Variants in NKAIN3 observed in about 807,000 individuals in gnomAD.
NKAIN3 encodes the protein sodium/potassium-transporting ATPase subunit beta-1-interacting protein 3.
NKAIN3 carries 25 observed loss-of-function variants against 30.2 expected under a neutral mutation model. That is an observed-to-expected ratio of 0.83 (90% CI 0.60 to 1.16). NKAIN3 has a LOEUF of 1.16. Among genes scored for constraint, NKAIN3 ranks in the 50% most tolerant of loss-of-function variants. The probability of loss-of-function intolerance (pLI) is 0.00; values close to 1 mark genes in which losing one functional copy is unlikely to be tolerated. For missense variants in NKAIN3, 225 were observed against 254.1 expected (o/e 0.89, Z 0.78); for synonymous variants, 91 against 89.6 (o/e 1.02, Z -0.09).
At chr8:62,438,549 T>G (rs1355874469) in intron 1 of NKAIN3, among the ~76,000 whole-genome samples, 2 of 151,958 alleles carry the variant, frequency 1.3e-5, no homozygotes, top group African/African-American at 2.4e-5. Context: ...GTAGGGCCGG[T>G]GTCATGAATA....
rs568665851 is a variant in NKAIN3 at position 62,946,094 on chromosome 8, C to T, written c.533-7808C>T. Among the ~76,000 whole-genome samples the T allele has an allele frequency of 6.6e-5, 10 of 152,276 alleles. No homozygotes were observed. The East Asian group carries it at 1.5e-3, about 23-fold the overall frequency. ...TGTGCTTCTCTTCAATTTCACATGC[C>T]TTCTGAAAGGTGGAGGAGATTTTAA... On this transcript the variant is annotated intron_variant, in intron 5 of 6. Transcript: ENST00000623646.
At chr8:62,880,658 C>T (rs1008846466) in intron 4 of NKAIN3, among the ~76,000 whole-genome samples, 5 of 152,182 alleles carry the variant, frequency 3.3e-5, no homozygotes, top group African/African-American at 1.2e-4. Flanking sequence ...ACATCCTCCT[C>T]CAGATTCCTC....
At chr8:62,808,251 A>C (rs1379106389) in intron 4 of NKAIN3, among the ~76,000 whole-genome samples, 1 of 152,208 alleles carries the variant, frequency 6.6e-6, no homozygotes, top group Admixed American at 6.6e-5. Context: ...CCTGAAGAAC[A>C]TGCTTTAGTA....
At position 62,445,186 on chromosome 8, in the gene NKAIN3, C is replaced by G. The variant is rs186738542; in HGVS notation, c.55-134353C>G. 4.4e-3 allele frequency among the ~76,000 whole-genome samples: 676 copies of G among 152,120 alleles called. 2 individuals are homozygous for G. The highest frequency in any genetic ancestry group is 0.015 in the African/African-American group (630 of 41,520). ...GTCTCAATCTCTTGACCTTGTGATC[C>G]GCGCACCTCAGCCTCCCAAAGTGCT... On this transcript the variant is annotated intron_variant, in intron 1 of 6. Transcript: ENST00000623646.
intron 4 of NKAIN3, among the ~76,000 whole-genome samples, chr8:62,885,437 G>C (rs922570042): frequency 1.1e-4 from 17 of 152,178 alleles, no homozygotes; most frequent in African/African-American, 4.1e-4. Context: ...ATGTGAGCTT[G>C]AGAAGAATGT....
At chr8:62,821,128 T>C (rs1263969067) in intron 4 of NKAIN3, among the ~76,000 whole-genome samples, 2 of 152,090 alleles carry the variant, frequency 1.3e-5, no homozygotes, top group Non-Finnish European at 2.9e-5. Context: ...TACCAATAAT[T>C]CCCTGGTATC....
intron 4 of NKAIN3, among the ~76,000 whole-genome samples, chr8:62,845,045 C>T (rs1365456780): frequency 2.0e-5 from 3 of 151,338 alleles, no homozygotes; most frequent in East Asian, 2.0e-4. Flanking sequence ...TGTATGCAAC[C>T]GTAAATCATC....
intron 6 of NKAIN3, among the ~76,000 whole-genome samples, chr8:62,955,068 C>T (rs1046853277): frequency 6.6e-6 from 1 of 152,180 alleles, no homozygotes; most frequent in Admixed American, 6.5e-5. Context: ...CCCAAATATG[C>T]AGCTCCCTCA....
chr8:62,692,240 G>A (rs560646374), intron 3 of NKAIN3, among the ~76,000 whole-genome samples: 2 of 152,228 alleles, frequency 1.3e-5, no homozygotes, highest in South Asian at 4.1e-4. Flanking sequence ...CTTGAAGGAA[G>A]GATCTTCAAA....
At chr8:62,906,746 T>C (rs750858247) in intron 4 of NKAIN3, among the ~76,000 whole-genome samples, 9 of 152,336 alleles carry the variant, frequency 5.9e-5, no homozygotes, top group Admixed American at 2.0e-4. Flanking sequence ...ATCATTTGCC[T>C]TCTGCCATTA....
chr8:62,628,896 A>T (rs1408798637), intron 3 of NKAIN3, among the ~76,000 whole-genome samples: 1 of 152,166 alleles, frequency 6.6e-6, no homozygotes, highest in East Asian at 1.9e-4. Context: ...TCAATATTTT[A>T]TTCTGAACAC....
At position 62,887,769 on chromosome 8, in the gene NKAIN3, C is replaced by T. The variant is rs1035434077; in HGVS notation, c.472-30684C>T. Among the ~76,000 whole-genome samples the T allele has an allele frequency of 2.0e-5, 3 of 152,014 alleles. No homozygotes were observed. The East Asian group carries it at 5.8e-4, about 29-fold the overall frequency. On this transcript the variant is annotated intron_variant, in intron 4 of 6. Transcript: ENST00000623646. Reference sequence around the variant, plus strand: ...ATTCCATTTCTCTGCTTACATTGTCCTTGTGTTTTGCATGCTGACCAATTT... The same window carrying T: ...ATTCCATTTCTCTGCTTACATTGTCTTTGTGTTTTGCATGCTGACCAATTT...
In NKAIN3 at chr8:62,707,128, T is replaced by C. The variant is rs554341877; in HGVS notation, c.274-39804T>C. ...CACAGTCTCCTTATCCACTCATTGA[T>C]TGATGAGCATTTTGGTTGGATCCAC... On this transcript the variant is annotated intron_variant, in intron 3 of 6. Transcript: ENST00000623646. 5.9e-5 allele frequency among the ~76,000 whole-genome samples: 9 copies of C among 151,980 alleles called. No homozygotes were observed. In the South Asian group the frequency reaches 8.3e-4, roughly 14 times the overall value.
intron 1 of NKAIN3, among the ~76,000 whole-genome samples, chr8:62,256,626 T>G (rs556120543): frequency 2.3e-4 from 35 of 152,276 alleles, no homozygotes; most frequent in African/African-American, 8.4e-4. Context: ...GCATCTGGTG[T>G]ATCTGCGGTA....
At chr8:62,595,522 T>G (rs1274534826) in intron 3 of NKAIN3, among the ~76,000 whole-genome samples, 2 of 151,844 alleles carry the variant, frequency 1.3e-5, no homozygotes, top group African/African-American at 4.8e-5. Flanking sequence ...CCGATCCTTG[T>G]CCCTCCCACT....
At position 62,969,608 on chromosome 8, in the gene NKAIN3, T is replaced by C. The variant is rs1213632941; in HGVS notation, c.*4201T>C. ...TCATAGTTGATCAGAATGCAAATGT[T>C]CTAACTTGACATTTTTGCCCAAGAT... is the stretch of plus-strand genomic sequence containing the variant. On this transcript the variant is annotated 3_prime_UTR_variant, in exon 7 of 7. Transcript: ENST00000623646. Among the ~76,000 whole-genome samples the C allele has an allele frequency of 6.6e-6, 1 of 152,194 alleles. No homozygotes were observed. Among genetic ancestry groups the C allele is most frequent in the East Asian group, 1.9e-4 (1 of 5,196 alleles).
intron 1 of NKAIN3, among the ~76,000 whole-genome samples, chr8:62,261,382 T>G (rs1812435335): frequency 6.6e-6 from 1 of 152,178 alleles, no homozygotes; most frequent in Non-Finnish European, 1.5e-5. Flanking sequence ...GCTAAATGAT[T>G]CAGAACTGAT....
At chr8:62,449,481 A>T (rs1805578131) in intron 1 of NKAIN3, among the ~76,000 whole-genome samples, 1 of 152,050 alleles carries the variant, frequency 6.6e-6, no homozygotes, top group African/African-American at 2.4e-5. Context: ...GCTGGCTTTT[A>T]GGAAAAATAT....
intron 4 of NKAIN3, among the ~76,000 whole-genome samples, chr8:62,917,273 A>T (rs549791142): frequency 2.3e-4 from 35 of 152,218 alleles, no homozygotes; most frequent in African/African-American, 7.9e-4. Context: ...GCCAAGCCCC[A>T]TGCTTCCCAA....
Sources: allele counts gnomAD v4.1 joint callset (sites outside exome capture counted in the v4.1 genomes callset), GRCh38; gene constraint gnomAD v4.1.1; transcripts MANE v1.5; gene names NCBI Gene and HGNC (gene_info 2026-07-23, HGNC 2026-07-21).